Variants in EBF2 observed in about 807,000 individuals in gnomAD.
EBF2 encodes EBF transcription factor 2.
A neutral mutation model predicts 72.8 loss-of-function variants in EBF2; 21 were observed. The observed-to-expected ratio is 0.29, with a 90% CI of 0.20 to 0.42. The LOEUF is 0.42. Ranked by LOEUF, EBF2 falls within the 10% of genes least tolerant of loss-of-function variation. EBF2 has a pLI of 1.00. For missense variants in EBF2, 637 were observed against 731.2 expected (o/e 0.87, Z 1.49); for synonymous variants, 299 against 274.2 (o/e 1.09, Z -0.89).
chr8:25,946,670 C>G (rs999111242), intron 6 of EBF2, among the ~76,000 whole-genome samples: 6 of 152,172 alleles, frequency 3.9e-5, no homozygotes, highest in Admixed American at 3.3e-4. Flanking sequence ...GACGGCAGCC[C>G]AGACAACTCC....
chr8:25,994,566 GA>G (rs1298708781), intron 6 of EBF2, among the ~76,000 whole-genome samples: 1 of 152,132 alleles, frequency 6.6e-6, no homozygotes, highest in Non-Finnish European at 1.5e-5. Flanking sequence ...ACTGGATAAG[GA>G]AAAGGTGGTA....
At chr8:25,887,470 C>A (rs1802711051) in intron 9 of EBF2, among the ~76,000 whole-genome samples, 1 of 152,134 alleles carries the variant, frequency 6.6e-6, no homozygotes, top group Admixed American at 6.5e-5. Context: ...TCAATATTAA[C>A]ATCTGGTATG....
chr8:25,984,553 A>C (rs1804415675), intron 6 of EBF2, among the ~76,000 whole-genome samples: 1 of 152,130 alleles, frequency 6.6e-6, no homozygotes. Flanking sequence ...CTGGTGGCGC[A>C]CGCCTGCAGT....
At chr8:26,027,659 A>G (rs886810975) in intron 6 of EBF2, among the ~76,000 whole-genome samples, 89 of 25,216 alleles carry the variant, frequency 3.5e-3, no homozygotes, top group African/African-American at 0.013. Context: ...TCAAACAGGT[A>G]CTCATATACT....
Position 26,040,683 on chromosome 8 carries a change from G to C in EBF2, c.353-12C>G, listed in dbSNP as rs747411073. 2.6e-6 allele frequency: 4 copies of C among 1,554,022 alleles called. No individual in the cohort carries two copies. Among genetic ancestry groups the C allele is most frequent in the Non-Finnish European group, 3.5e-6 (4 of 1,148,304 alleles). ...TTCCGTGCGGACACCTGCGGGGACC[G>C]GAGGGGCACGAGTCAAGGGCCGTAG... On this transcript the variant is annotated splice_polypyrimidine_tract_variant and intron_variant, in intron 3 of 15. Coordinates refer to ENST00000520164, the MANE Select transcript of EBF2 (RefSeq NM_022659.4).
chr8:25,945,640 A>G (rs1803757062), intron 6 of EBF2, among the ~76,000 whole-genome samples: 1 of 151,460 alleles, frequency 6.6e-6, no homozygotes, highest in South Asian at 2.1e-4. Flanking sequence ...CGGGGGTACA[A>G]TGAGAGCCTG....
chr8:25,901,925 C>G (rs865843872), intron 7 of EBF2, among the ~76,000 whole-genome samples: 46 of 152,290 alleles, frequency 3.0e-4, no homozygotes, highest in African/African-American at 1.1e-3. Flanking sequence ...AGGATGCAAG[C>G]CCCTCAAGGG....
At chr8:25,911,545 A>C (rs542105821) in intron 6 of EBF2, among the ~76,000 whole-genome samples, 84 of 152,352 alleles carry the variant, frequency 5.5e-4, no homozygotes, top group Non-Finnish European at 1.0e-3. Flanking sequence ...AAATGCCCCA[A>C]GGGTTAGCCT....
At chr8:25,884,494 C>A (rs900933221) in intron 10 of EBF2, among the ~76,000 whole-genome samples, 2 of 152,108 alleles carry the variant, frequency 1.3e-5, no homozygotes, top group Admixed American at 6.5e-5. Flanking sequence ...AACCAGCCTG[C>A]CCAACCCTCC....
intron 6 of EBF2, among the ~76,000 whole-genome samples, chr8:26,005,552 A>AC (rs1804861886): frequency 2.4e-5 from 1 of 41,302 alleles, no homozygotes; most frequent in Non-Finnish European, 4.4e-5. Flanking sequence ...TTATATATAT[A>AC]TATATATATA....
At chr8:25,941,206 C>T (rs2117156931) in intron 6 of EBF2, among the ~76,000 whole-genome samples, 1 of 83,558 alleles carries the variant, frequency 1.2e-5, no homozygotes, top group Middle Eastern at 9.3e-3. Flanking sequence ...TGCTGCTCCC[C>T]CATCTTTTTT....
rs116441004 is a variant in EBF2 at position 25,974,112 on chromosome 8, C to T, written c.551+58973G>A. Among the ~76,000 whole-genome samples, 209 of 152,254 alleles carry T rather than the reference C, an allele frequency of 1.4e-3. 1 individual carries two copies. The highest frequency in any genetic ancestry group is 4.5e-3 in the African/African-American group (188 of 41,544). On this transcript the variant is annotated intron_variant, in intron 6 of 15. Coordinates refer to ENST00000520164, the MANE Select transcript of EBF2 (RefSeq NM_022659.4). ...AAGATTTTACAGTTCTTACCAAACACGCAAATTTTAGAGTAGGAAGAGGCA... is the reference window on the plus strand; with the variant it reads ...AAGATTTTACAGTTCTTACCAAACATGCAAATTTTAGAGTAGGAAGAGGCA...
At chr8:25,855,150 G>A (rs1243638458) in intron 14 of EBF2, among the ~76,000 whole-genome samples, 1 of 152,208 alleles carries the variant, frequency 6.6e-6, no homozygotes, top group Admixed American at 6.5e-5. Flanking sequence ...CTGTGAACAT[G>A]GGGAGTTAAG....
Position 25,999,192 on chromosome 8 carries a change from G to T in EBF2, c.551+33893C>A, listed in dbSNP as rs565350641. ...AAGCAAAATAAATAAAACCATCAGA[G>T]CCAAACTGTTATTAAATTGTCTCTG... On this transcript the variant is annotated intron_variant, in intron 6 of 15. Transcript: ENST00000520164. Among the ~76,000 whole-genome samples the T allele has an allele frequency of 2.2e-4, 33 of 152,176 alleles. 1 individual carries two copies. The highest frequency in any genetic ancestry group is 7.7e-4 in the African/African-American group (32 of 41,488).
At chr8:25,901,471 A>G (rs1802952607) in intron 7 of EBF2, among the ~76,000 whole-genome samples, 1 of 151,848 alleles carries the variant, frequency 6.6e-6, no homozygotes, top group Non-Finnish European at 1.5e-5. Flanking sequence ...GACTGTGTCA[A>G]GGATCTCAAT....
intron 6 of EBF2, among the ~76,000 whole-genome samples, chr8:25,978,486 G>A (rs560709049): frequency 7.2e-5 from 11 of 152,326 alleles, no homozygotes; most frequent in East Asian, 1.9e-4. Context: ...CGACCGAGAT[G>A]GTCATCCTGG....
chr8:25,846,059 G>GAGATCTGGATTAAGGTCTTAC (rs1263633308), intron 15 of EBF2, among the ~76,000 whole-genome samples: 1 of 152,030 alleles, frequency 6.6e-6, no homozygotes, highest in African/African-American at 2.4e-5. Context: ...GAATGTTTGT[G>GAGATCTGGATTAAGGTCTTAC]AGATCTGGAT....
At chr8:25,956,646 A>C (rs528957376) in intron 6 of EBF2, among the ~76,000 whole-genome samples, 7 of 152,206 alleles carry the variant, frequency 4.6e-5, no homozygotes, top group Non-Finnish European at 7.4e-5. Context: ...AAGTTATTTA[A>C]CTCCCATTTA....
rs528404065 is a variant in EBF2, at chr8:26,001,839, A to G, written c.551+31246T>C. Among the ~76,000 whole-genome samples the G allele has an allele frequency of 1.6e-4, 24 of 152,062 alleles. No homozygotes were observed. The South Asian group carries it at 1.7e-3, about 11-fold the overall frequency. On this transcript the variant is annotated intron_variant, in intron 6 of 15. Coordinates refer to ENST00000520164, the MANE Select transcript of EBF2 (RefSeq NM_022659.4). Reference sequence around the variant, plus strand: ...GCTAGGATTACAGGTGTGAGCCACCACACCCAGCCCTGCATTTTTAAAAGA... The same window carrying G: ...GCTAGGATTACAGGTGTGAGCCACCGCACCCAGCCCTGCATTTTTAAAAGA...
Sources: allele counts gnomAD v4.1 joint callset (sites outside exome capture counted in the v4.1 genomes callset), GRCh38; gene constraint gnomAD v4.1.1; transcripts MANE v1.5; gene names NCBI Gene and HGNC (gene_info 2026-07-23, HGNC 2026-07-21).